The following ST18 variants were observed in gnomAD, a reference collection of about 807,000 sequenced individuals.
ST18 encodes ST18 C2H2C-type zinc finger transcription factor.
In ST18, 50 loss-of-function variants were observed where a neutral mutation model predicts 110.0. That is an observed-to-expected ratio of 0.45 (90% CI 0.36 to 0.58). ST18 has a LOEUF of 0.58. Among genes scored for constraint, ST18 ranks in the 20% least tolerant of loss-of-function variants. ST18 has a pLI of 0.00. For synonymous variants in ST18, 461 were observed against 452.4 expected, an observed-to-expected ratio of 1.02 and a Z score of -0.24; for missense variants, 1,306 against 1,280.1, an observed-to-expected ratio of 1.02 and a Z score of -0.31.
chr8:52,233,449 G>A (rs2091960988), intron 2 of ST18, among the ~76,000 whole-genome samples: 1 of 152,176 alleles, frequency 6.6e-6, no homozygotes, highest in African/African-American at 2.4e-5. Flanking sequence ...TAGTTTGAGT[G>A]AAGAAGAATT....
intron 6 of ST18, 118 bp from the exon 7 acceptor site, chr8:52,214,375 C>T: frequency 2.9e-6 from 3 of 1,032,648 alleles, no homozygotes; most frequent in Middle Eastern, 4.5e-4. Context: ...ATGCTCTTGA[C>T]TCACAGCCCG....
chr8:52,372,012 C>A (rs551190702), intron 2 of ST18, among the ~76,000 whole-genome samples: 96 of 152,260 alleles, frequency 6.3e-4, no homozygotes, highest in Non-Finnish European at 1.0e-3. Context: ...TACATAATAG[C>A]CTCAGGCAGG....
At chr8:52,198,437 A>G (rs1187397925) in intron 8 of ST18, among the ~76,000 whole-genome samples, 1 of 152,238 alleles carries the variant, frequency 6.6e-6, no homozygotes, top group Non-Finnish European at 1.5e-5. Context: ...ACCTATAGAT[A>G]TACACAGGTT....
Position 52,161,242 on chromosome 8 carries a change from GA to G in ST18, c.1594+132del, listed in dbSNP as rs552630011. On this transcript the variant is annotated intron_variant, in intron 14 of 25. Transcript: ENST00000689386. ...TCGTTTTCTTTATGGTATTTCACTT[GA>G]ATATATTTTCTCTCCTGCCAGCTGT... 8.0e-4 allele frequency: 664 copies of G among 826,718 alleles called. 4 individuals are homozygous for G. In the African/African-American group the frequency reaches 9.9e-3, roughly 12 times the overall value. 51.2% of individuals were successfully genotyped at this position (826,718 alleles called of 1,614,324 possible).
At chr8:52,207,226 C>CTA (rs1443850716) in intron 8 of ST18, among the ~76,000 whole-genome samples, 1 of 152,164 alleles carries the variant, frequency 6.6e-6, no homozygotes, top group Non-Finnish European at 1.5e-5. Flanking sequence ...TGGCTCACAC[C>CTA]TATAATCCCA....
rs749557743 is a variant in ST18, at chr8:52,172,124, C to A, written c.737G>T (p.Cys246Phe). 18 of 1,614,120 alleles carry A rather than the reference C, an allele frequency of 1.1e-5. No homozygotes were observed. In the African/African-American group the frequency reaches 1.2e-4, roughly 11 times the overall value. ...TGTTTCAGAATCACACCTGTTCTCACAAGGGATAAATTTGTCACCTTCAGT... is the reference window on the plus strand; with the variant it reads ...TGTTTCAGAATCACACCTGTTCTCAAAAGGGATAAATTTGTCACCTTCAGT... ...IKTEGDKFIP[C>F]ENRCDSETER... The change falls in exon 10 of 26, where the codon TGT becomes TTT. Residue 246 changes from cysteine to phenylalanine, a missense_variant. Coordinates refer to ENST00000689386, the MANE Select transcript of ST18 (RefSeq NM_001352837.2).
At chr8:52,313,632 G>A (rs1455462251) in intron 2 of ST18, 3 of 152,396 alleles carry the variant, frequency 2.0e-5, no homozygotes, top group Non-Finnish European at 2.9e-5. Flanking sequence ...GCTGTGAAGA[G>A]ACAAATACAG....
chr8:52,212,910 A>C (rs981994740), intron 7 of ST18, among the ~76,000 whole-genome samples: 1 of 152,230 alleles, frequency 6.6e-6, no homozygotes, highest in Non-Finnish European at 1.5e-5. Flanking sequence ...TGCTTTTAGA[A>C]GTCAAAATAA....
intron 8 of ST18, among the ~76,000 whole-genome samples, chr8:52,204,903 G>C (rs924612248): frequency 1.3e-5 from 2 of 152,018 alleles, no homozygotes; most frequent in Admixed American, 1.3e-4. Flanking sequence ...TGAATGAAGA[G>C]AAAAACAGGC....
intron 2 of ST18, among the ~76,000 whole-genome samples, chr8:52,386,273 G>C (rs1378679818): frequency 6.6e-6 from 1 of 152,046 alleles, no homozygotes; most frequent in East Asian, 1.9e-4. Flanking sequence ...TTTAAAGTAA[G>C]AAATGCACTA....
At chr8:52,263,589 A>G (rs775567709) in intron 2 of ST18, among the ~76,000 whole-genome samples, 3 of 149,230 alleles carry the variant, frequency 2.0e-5, no homozygotes, top group Non-Finnish European at 4.4e-5. Flanking sequence ...TTCTCATAAT[A>G]TCATGTAGTT....
chr8:52,243,933 G>A (rs1272704681), intron 2 of ST18, among the ~76,000 whole-genome samples: 1 of 152,124 alleles, frequency 6.6e-6, no homozygotes, highest in African/African-American at 2.4e-5. Flanking sequence ...TCCATTATTT[G>A]ACAAAGTCAG....
chr8:52,405,065 A>G (rs1844000828), intron 2 of ST18: 2 of 152,240 alleles, frequency 1.3e-5, no homozygotes, highest in Admixed American at 1.3e-4. Flanking sequence ...TAGCTTATAC[A>G]AACGTTATGC....
At chr8:52,333,955 A>T (rs1026423031) in intron 2 of ST18, among the ~76,000 whole-genome samples, 3 of 152,168 alleles carry the variant, frequency 2.0e-5, no homozygotes, top group Non-Finnish European at 4.4e-5. Context: ...GTTCTGGGGG[A>T]GTGGGTCAGC....
At chr8:52,198,691 GTATATGTA>G (rs1264905873) in intron 8 of ST18, among the ~76,000 whole-genome samples, 6 of 152,190 alleles carry the variant, frequency 3.9e-5, no homozygotes, top group African/African-American at 1.2e-4. Flanking sequence ...GTGTGAGTGT[GTATATGTA>G]TATATATGTA....
intron 2 of ST18, among the ~76,000 whole-genome samples, chr8:52,314,468 T>C (rs1184441912): frequency 6.6e-6 from 1 of 152,208 alleles, no homozygotes; most frequent in African/African-American, 2.4e-5. Flanking sequence ...CCTGTCCCCT[T>C]GAGAGTCATC....
chr8:52,136,642 A>G lies in ST18; in HGVS notation c.2248T>C (p.Leu750=). 1.9e-6 allele frequency: 3 copies of G among 1,609,906 alleles called. No individual in the cohort carries two copies. Among genetic ancestry groups the G allele is most frequent in the Non-Finnish European group, 2.5e-6 (3 of 1,178,322 alleles). ...ASHRSVSGCP[L]ADKTLKSLMA... ...AGGGATTTTAGAGTCTTATCTGCTA[A>G]AGGACATCCAGAAACACTAGAGAGG... is the stretch of plus-strand genomic sequence containing the variant. Residue 750 remains leucine (L), a synonymous_variant, in exon 19 of 26, where the codon TTA becomes CTA. Transcript: ENST00000689386.
chr8:52,232,025 G>T (rs1036679148), intron 2 of ST18, among the ~76,000 whole-genome samples: 3 of 152,176 alleles, frequency 2.0e-5, no homozygotes, highest in African/African-American at 7.2e-5. Context: ...TAAGTTTGTG[G>T]ACCATACTTG....
intron 2 of ST18, among the ~76,000 whole-genome samples, chr8:52,357,715 A>T (rs1251814743): frequency 1.5e-4 from 11 of 72,926 alleles, no homozygotes; most frequent in African/African-American, 1.2e-3. Flanking sequence ...ATATATATAT[A>T]TATATATATA....
Sources: gnomAD v4.1 joint callset for allele counts (sites outside exome capture counted in the v4.1 genomes callset) on GRCh38, gnomAD v4.1.1 for gene constraint, MANE v1.5 for transcripts, NCBI Gene and HGNC (gene_info 2026-07-23, HGNC 2026-07-21) for gene names.